AOPEP: variants seen among roughly 807,000 people sequenced by gnomAD.
AOPEP encodes the protein aminopeptidase O.
A neutral mutation model predicts 98.1 loss-of-function variants in AOPEP; 77 were observed. That is an observed-to-expected ratio of 0.78 (90% CI 0.65 to 0.95). The LOEUF is 0.95. Among genes scored for constraint, AOPEP ranks in the 40% least tolerant of loss-of-function variants. The pLI is 0.00. For synonymous variants in AOPEP, 346 were observed against 365.3 expected, an observed-to-expected ratio of 0.95 and a Z score of 0.60; for missense variants, 1,024 against 1,024.7, an observed-to-expected ratio of 1.00 and a Z score of 0.01.
intron 5 of AOPEP, among the ~76,000 whole-genome samples, chr9:94,880,944 A>C (rs1400870244): frequency 6.6e-6 from 1 of 152,190 alleles, no homozygotes; most frequent in Non-Finnish European, 1.5e-5. Flanking sequence ...ATAAATCAAC[A>C]CAAGGGGCTA....
intron 7 of AOPEP, among the ~76,000 whole-genome samples, chr9:94,939,555 C>G (rs2056759676): frequency 6.6e-6 from 1 of 152,116 alleles, no homozygotes; most frequent in South Asian, 2.1e-4. Flanking sequence ...TGAGTTCTGA[C>G]TCTACTACAG....
At chr9:95,056,477 A>G (rs2066830042) in intron 13 of AOPEP, 1 of 152,282 alleles carries the variant, frequency 6.6e-6, no homozygotes, top group Non-Finnish European at 1.5e-5. Context: ...CATCATGCTA[A>G]TGGAAGAAAT....
intron 14 of AOPEP, among the ~76,000 whole-genome samples, chr9:95,061,524 C>T (rs1587854353): frequency 6.6e-6 from 1 of 152,196 alleles, no homozygotes; most frequent in African/African-American, 2.4e-5. Flanking sequence ...GGCTGTTAAA[C>T]ACTTAAATGC....
At chr9:94,824,480 A>G (rs767448464) in intron 5 of AOPEP, 15 of 152,202 alleles carry the variant, frequency 9.9e-5, no homozygotes, top group African/African-American at 1.7e-4. Flanking sequence ...GAAAAGAGAA[A>G]ATTTCTGTTC....
chr9:94,814,463 G>A (rs1851284629), intron 5 of AOPEP, among the ~76,000 whole-genome samples: 1 of 152,220 alleles, frequency 6.6e-6, no homozygotes, highest in Admixed American at 6.5e-5. Context: ...CAGGAGGTTA[G>A]GACTTGAATG....
In AOPEP at chr9:94,928,440, G is replaced by T. The variant is rs1194678661; in HGVS notation, c.1570G>T (p.Ala524Ser). 2 of 1,548,586 alleles carry T rather than the reference G, an allele frequency of 1.3e-6. No individual in the cohort carries two copies. Among genetic ancestry groups the T allele is most frequent in the Non-Finnish European group, 1.7e-6 (2 of 1,146,904 alleles). The change falls in exon 7 of 17, where the codon GCC becomes TCC. Residue 524 changes from alanine (A) to serine (S), a missense_variant. By Grantham distance (99) the Ala-to-Ser change is moderately conservative. Transcript: ENST00000375315. ...GGCTGAGCAGCTGGCCCCCTATGAGGCCCGGGAGCAGCAGGAGCTGAGGGC... is the reference window on the plus strand; with the variant it reads ...GGCTGAGCAGCTGGCCCCCTATGAGTCCCGGGAGCAGCAGGAGCTGAGGGC... Reference protein sequence around the residue: ...ATAQQLAPYEAREQQELRACL... With the variant: ...ATAQQLAPYESREQQELRACL...
chr9:95,087,856 A>G (rs73654514), downstream of AOPEP, among the ~76,000 whole-genome samples: 1 of 152,188 alleles, frequency 6.6e-6, no homozygotes, highest in African/African-American at 2.4e-5. Context: ...TGGGCTGAGC[A>G]TGAGTGCACC....
intron 3 of AOPEP, among the ~76,000 whole-genome samples, chr9:94,778,331 G>A (rs1368599743): frequency 6.6e-6 from 1 of 151,770 alleles, no homozygotes; most frequent in African/African-American, 2.4e-5. Flanking sequence ...TCCACAAAAC[G>A]ATTAATACCT....
chr9:95,057,033 A>G (rs1418308016), intron 13 of AOPEP, among the ~76,000 whole-genome samples: 1 of 152,194 alleles, frequency 6.6e-6, no homozygotes, highest in Non-Finnish European at 1.5e-5. Context: ...TTTCTTGTTT[A>G]TGCAAAGGAA....
At chr9:95,009,148 G>T (rs2062281489) in intron 13 of AOPEP, among the ~76,000 whole-genome samples, 1 of 152,074 alleles carries the variant, frequency 6.6e-6, no homozygotes, top group Non-Finnish European at 1.5e-5. Flanking sequence ...TTTTATGTGT[G>T]TTTTTAAACT....
chr9:95,027,030 G>A (rs2063895465), intron 13 of AOPEP, among the ~76,000 whole-genome samples: 1 of 152,176 alleles, frequency 6.6e-6, no homozygotes, highest in Non-Finnish European at 1.5e-5. Flanking sequence ...GGGAGCTGAG[G>A]CGGGTGGATC....
the AOPEP span, chr9:95,117,273 C>G: frequency 1.9e-6 from 3 of 1,571,800 alleles, no homozygotes; most frequent in African/African-American, 4.1e-5. Context: ...ATGCTCTTCC[C>G]AGGAAATCAT....
At chr9:95,048,091 A>G (rs2066000698) in intron 13 of AOPEP, among the ~76,000 whole-genome samples, 1 of 151,734 alleles carries the variant, frequency 6.6e-6, no homozygotes, top group African/African-American at 2.4e-5. Flanking sequence ...TGCAGGAGGG[A>G]CCAAACTTAA....
At chr9:94,868,709 A>G (rs1486948578) in intron 5 of AOPEP, among the ~76,000 whole-genome samples, 1 of 152,180 alleles carries the variant, frequency 6.6e-6, no homozygotes, top group Admixed American at 6.5e-5. Context: ...CCTTGTGACT[A>G]CACAGGCCAA....
chr9:95,013,179 C>G (rs1237081066), intron 13 of AOPEP, among the ~76,000 whole-genome samples: 3 of 151,956 alleles, frequency 2.0e-5, no homozygotes, highest in Non-Finnish European at 2.9e-5. Context: ...TTAATAAAAT[C>G]AATATGTTTG....
At chr9:94,911,188 T>G (rs559054321) in intron 5 of AOPEP, among the ~76,000 whole-genome samples, 17 of 152,352 alleles carry the variant, frequency 1.1e-4, no homozygotes, top group Non-Finnish European at 2.1e-4. Flanking sequence ...ACCTCCATTC[T>G]TGTCTTCCCT....
chr9:95,139,167 G>T, the AOPEP span, among the ~76,000 whole-genome samples: 6 of 152,162 alleles, frequency 3.9e-5, no homozygotes, highest in Non-Finnish European at 8.8e-5. Context: ...CACAGAAAAA[G>T]AACTGCAAAT....
chr9:94,739,265 T>A (rs1437601134), intron 1 of AOPEP, among the ~76,000 whole-genome samples: 1 of 152,068 alleles, frequency 6.6e-6, no homozygotes, highest in African/African-American at 2.4e-5. Flanking sequence ...TTCAGACCCT[T>A]TTGGGGTTAA....
chr9:95,143,395 G>A, the AOPEP span, among the ~76,000 whole-genome samples: 5 of 152,174 alleles, frequency 3.3e-5, no homozygotes, highest in Non-Finnish European at 7.3e-5. Flanking sequence ...GGGGTCAGGT[G>A]TGGTTGGTTC....
Sources: gnomAD v4.1 joint callset for allele counts (sites outside exome capture counted in the v4.1 genomes callset) on GRCh38, gnomAD v4.1.1 for gene constraint, MANE v1.5 for transcripts, NCBI Gene and HGNC (gene_info 2026-07-23, HGNC 2026-07-21) for gene names.